WDR11: variants seen among roughly 807,000 people sequenced by gnomAD.
WDR11 encodes WD repeat-containing protein 11.
Under a neutral mutation model 151.2 loss-of-function variants are expected in WDR11, and 83 were observed. The ratio of observed to expected loss-of-function variants is 0.55; its 90% CI spans 0.46 to 0.66. The LOEUF is 0.66. Among genes scored for constraint, WDR11 ranks in the 30% least tolerant of loss-of-function variants. WDR11 has a pLI of 0.00. For synonymous variants in WDR11, 484 were observed against 533.1 expected (o/e 0.91, Z 1.27); for missense variants, 1,301 against 1,480.9 (o/e 0.88, Z 1.99).
At chr10:120,874,188 TTTTTG>T (rs1457485583) in intron 11 of WDR11, among the ~76,000 whole-genome samples, 1,168 of 90,826 alleles carry the variant, frequency 0.013, 14 homozygotes, top group African/African-American at 0.023. Context: ...TTTTTTTTTT[TTTTTG>T]TTGTTGTTGT....
intron 2 of WDR11, among the ~76,000 whole-genome samples, chr10:120,855,079 A>T (rs1355294847): frequency 1.3e-5 from 2 of 152,234 alleles, no homozygotes; most frequent in Admixed American, 1.3e-4. Flanking sequence ...TAAATTAGGC[A>T]TAATAAGAGA....
At chr10:120,892,636 T>C (rs1476241032) in intron 19 of WDR11, among the ~76,000 whole-genome samples, 1 of 152,212 alleles carries the variant, frequency 6.6e-6, no homozygotes, top group Non-Finnish European at 1.5e-5. Context: ...ACATTGGTGT[T>C]TCCTATGTTT....
Position 120,904,840 on chromosome 10 carries a change from T to G in WDR11, c.3193+29T>G, listed in dbSNP as rs375956004. The G allele has an allele frequency of 8.1e-6, 13 of 1,613,648 alleles. No homozygotes were observed. The African/African-American group carries it at 1.3e-4, about 17-fold the overall frequency. On this transcript the variant is annotated intron_variant, in intron 25 of 28. Transcript: ENST00000263461. ...AGGCACACTTGATATGTTTGTCATC[T>G]CTCTGAAAAATGAGACCTTGTTCCC...
At position 120,902,297 on chromosome 10, in the gene WDR11, T is replaced by C. The variant is rs1371371059; in HGVS notation, c.2728T>C (p.Leu910=). Residue 910 remains leucine, a synonymous_variant, in exon 22 of 29, where the codon TTG becomes CTG. Transcript: ENST00000263461. ...KLLLDPEFTL[L]QRCLLVSRLY... is the part of the protein sequence containing the mutation. The stretch of plus-strand genomic sequence containing the variant: ...GTTGCTTGATCCAGAATTCACTCTC[T>C]TGCAGAGGTGCCTGCTTGTTTCAAG... The C allele has an allele frequency of 6.2e-7, 1 of 1,614,148 alleles. No homozygotes were observed. The highest frequency in any genetic ancestry group is 1.3e-5 in the African/African-American group (1 of 75,066).
chr10:120,896,753 T>C (rs1847627315), intron 19 of WDR11, among the ~76,000 whole-genome samples: 4 of 152,206 alleles, frequency 2.6e-5, no homozygotes, highest in Admixed American at 2.6e-4. Context: ...TCTGTGCTGA[T>C]AGAAAGGGAG....
At chr10:120,870,067 C>T (rs4548546) in intron 9 of WDR11, among the ~76,000 whole-genome samples, 46,266 of 152,024 alleles carry the variant, frequency 0.3, 7,343 homozygotes, top group East Asian at 0.42. Context: ...GGATTACAGG[C>T]GTGAGCCACC....
intron 23 of WDR11, among the ~76,000 whole-genome samples, 177 bp downstream of exon 23, chr10:120,903,409 C>T (rs1245178386): frequency 6.6e-6 from 1 of 151,708 alleles, no homozygotes; most frequent in Admixed American, 6.6e-5. Context: ...ACTCAGGAGG[C>T]TGAGGGAGGA....
intron 21 of WDR11, 47 bp from the exon 22 acceptor site, chr10:120,902,206 ATTGT>A: frequency 6.8e-7 from 1 of 1,478,550 alleles, no homozygotes; most frequent in Non-Finnish European, 9.5e-7. Context: ...CCCATGCTTT[ATTGT>A]TTGATTGAAA....
At chr10:120,901,372 G>A (rs1219269340) in intron 21 of WDR11, among the ~76,000 whole-genome samples, 1 of 152,204 alleles carries the variant, frequency 6.6e-6, no homozygotes, top group Non-Finnish European at 1.5e-5. Context: ...TAGATGCATA[G>A]TGGGAGCATC....
In WDR11 at chr10:120,890,276, G is replaced by A. The variant is rs557330726; in HGVS notation, c.2343+267G>A. ...CGCCCAGGCTGGAGTGCAATGGCGCGATCTCGACTTATTGCAGCCTCCACC... is the reference window on the plus strand; with the variant it reads ...CGCCCAGGCTGGAGTGCAATGGCGCAATCTCGACTTATTGCAGCCTCCACC... On this transcript the variant is annotated intron_variant, in intron 18 of 28. Coordinates refer to ENST00000263461, the MANE Select transcript of WDR11 (RefSeq NM_018117.12). Among the ~76,000 whole-genome samples the A allele has an allele frequency of 4.6e-5, 7 of 152,054 alleles. 1 individual carries two copies. The highest frequency in any genetic ancestry group is 1.9e-4 in the East Asian group (1 of 5,168).
chr10:120,891,020 A>G, intron 19 of WDR11, 133 bp downstream of exon 19: 1 of 961,926 alleles, frequency 1.0e-6, no homozygotes, highest in Non-Finnish European at 1.6e-6. Context: ...TTAAGAAAAT[A>G]TATTAACTTG....
chr10:120,908,713 A>G lies in WDR11; in HGVS notation c.3675A>G (p.Ter1225TrpextTer9). 1 of 1,614,072 alleles carries G rather than the reference A, an allele frequency of 6.2e-7. No homozygotes were observed. The highest frequency in any genetic ancestry group is 8.5e-7 in the Non-Finnish European group (1 of 1,180,030). The change falls in exon 29 of 29, where the codon TGA (stop) becomes TGG (tryptophan). Residue 1225 changes from the stop codon to tryptophan (W), a stop_lost. Coordinates refer to ENST00000263461, the MANE Select transcript of WDR11 (RefSeq NM_018117.12). ...ESPKEEPIEE[*>W] The stretch of plus-strand genomic sequence containing the variant: ...CCAAGGAAGAACCCATTGAAGAGTG[A>G]CAGCTTAATAAATGCCAGGGAATCT...
chr10:120,890,786 C>T lies in WDR11; in HGVS notation c.2414C>T (p.Thr805Met). 2.5e-6 allele frequency: 4 copies of T among 1,614,070 alleles called. No homozygotes were observed. Among genetic ancestry groups the T allele is most frequent in the Non-Finnish European group, 3.4e-6 (4 of 1,180,010 alleles). Residue 805 changes from threonine (T) to methionine (M), a missense_variant, in exon 19 of 29, where the codon ACG becomes ATG. This residue lies in a region of WDR11 where 589 missense variants were observed against 670.6 expected (regional missense o/e 0.88). Coordinates refer to ENST00000263461, the MANE Select transcript of WDR11 (RefSeq NM_018117.12). ...TFRILDVDWC[T>M]SDKVILASDD... ...CGTATATTGGATGTGGACTGGTGTA[C>T]GTCAGATAAAGTGATCTTGGCCTCA...
rs372387423 is a variant in WDR11, at chr10:120,903,143, A to G, written c.2842A>G (p.Thr948Ala). Reference protein sequence around the residue: ...SLSQEKSASTTAPKEAAPRDK... With the variant: ...SLSQEKSASTAAPKEAAPRDK... ...ATCCCAGGAAAAGTCAGCCAGCACAACAGCTCCTAAAGAAGCTGCTCCTCG... is the reference window on the plus strand; with the variant it reads ...ATCCCAGGAAAAGTCAGCCAGCACAGCAGCTCCTAAAGAAGCTGCTCCTCG... The change falls in exon 23 of 29, where the codon ACA (threonine) becomes GCA (alanine). Residue 948 changes from threonine to alanine, a missense_variant. Around this residue, in one of 3 missense-constraint regions of WDR11, gnomAD observed 589 missense variants for 670.6 expected, o/e 0.88. Coordinates refer to ENST00000263461, the MANE Select transcript of WDR11 (RefSeq NM_018117.12). The G allele has an allele frequency of 5.6e-6, 9 of 1,614,076 alleles. No individual in the cohort carries two copies. The African/African-American group carries it at 1.1e-4, about 19-fold the overall frequency.
intron 5 of WDR11, among the ~76,000 whole-genome samples, chr10:120,863,626 T>C (rs1052790343): frequency 2.6e-5 from 4 of 152,224 alleles, no homozygotes; most frequent in Non-Finnish European, 5.9e-5. Context: ...AATAGGTTTC[T>C]TTCTTTTTCC....
intron 23 of WDR11, among the ~76,000 whole-genome samples, chr10:120,903,456 G>A (rs568382751): frequency 1.4e-4 from 21 of 151,198 alleles, no homozygotes; most frequent in South Asian, 1.3e-3. Flanking sequence ...GTTGCAGTGA[G>A]CTGAGATCAC....
chr10:120,899,919 C>A, intron 19 of WDR11, 110 bp from the exon 20 acceptor site: 2 of 862,980 alleles, frequency 2.3e-6, no homozygotes, highest in South Asian at 2.8e-5. Flanking sequence ...TCAGTTGTTC[C>A]AGATTTACCT....
In WDR11 at chr10:120,885,806, C is replaced by A. The variant is rs773536984; in HGVS notation, c.1849-8C>A. 1 of 1,613,452 alleles carries A rather than the reference C, an allele frequency of 6.2e-7. No homozygotes were observed. Among genetic ancestry groups the A allele is most frequent in the Non-Finnish European group, 8.5e-7 (1 of 1,179,558 alleles). ...GCACTTCTAGGTTTGTCTGCATTTG[C>A]TTTACAGGAGTGGTCACCATCTCAC... On this transcript the variant is annotated splice_region_variant and splice_polypyrimidine_tract_variant and intron_variant, in intron 14 of 28. Coordinates refer to ENST00000263461, the MANE Select transcript of WDR11 (RefSeq NM_018117.12).
At chr10:120,882,722 G>C (rs1847061994) in intron 13 of WDR11, among the ~76,000 whole-genome samples, 1 of 151,804 alleles carries the variant, frequency 6.6e-6, no homozygotes, top group African/African-American at 2.4e-5. Flanking sequence ...CCTAATATCA[G>C]TAAATTATAT....
Sources: allele counts gnomAD v4.1 joint callset (sites outside exome capture counted in the v4.1 genomes callset), GRCh38; gene constraint gnomAD v4.1.1; regional missense constraint gnomAD v4.1.1; transcripts MANE v1.5; gene names NCBI Gene and HGNC (gene_info 2026-07-23, HGNC 2026-07-21).